SORL1: variants seen among roughly 807,000 people sequenced by gnomAD.
SORL1 encodes sortilin-related receptor.
SORL1 carries 127 observed loss-of-function variants against 273.7 expected under a neutral mutation model. The observed-to-expected ratio is 0.46, with a 90% CI of 0.40 to 0.54. SORL1 has a LOEUF of 0.54. Ranked by LOEUF, SORL1 falls within the 20% of genes least tolerant of loss-of-function variation. The pLI is 0.00. For missense variants in SORL1, 2,494 were observed against 2,846.1 expected (o/e 0.88, Z 2.81); for synonymous variants, 1,031 against 1,067.4 (o/e 0.97, Z 0.66).
chr11:121,609,614 G>A (rs1863530498), intron 38 of SORL1: 1 of 152,206 alleles, frequency 6.6e-6, no homozygotes, highest in Non-Finnish European at 1.5e-5. Flanking sequence ...TGTACAGAAG[G>A]CAGCTGTGTG....
intron 2 of SORL1, among the ~76,000 whole-genome samples, chr11:121,471,639 T>C (rs1210310881): frequency 3.3e-5 from 5 of 152,356 alleles, no homozygotes; most frequent in Admixed American, 2.6e-4. Context: ...TTTATAATTC[T>C]TGAATGCGGA....
At chr11:121,478,082 C>T (rs1369242173) in intron 2 of SORL1, 36 bp from the exon 3 acceptor site, 5 of 1,471,910 alleles carry the variant, frequency 3.4e-6, no homozygotes, top group African/African-American at 1.4e-5. Flanking sequence ...TTCTCACCAA[C>T]TCTTTCTTTT....
chr11:121,583,351 G>A, intron 25 of SORL1, 107 bp from the exon 26 acceptor site: 1 of 1,341,542 alleles, frequency 7.5e-7, no homozygotes, highest in Non-Finnish European at 1.0e-6. Context: ...CCACAGTTCA[G>A]ACCTTATTCC....
rs190119741 is a variant in SORL1, at chr11:121,593,721, C to T, written c.4370-1902C>T. ...GATGACAGCTCTCAGGTGTTTGTCTCTTGAATTTTGCTGCTCTGGTTTGTA... is the reference window on the plus strand; with the variant it reads ...GATGACAGCTCTCAGGTGTTTGTCTTTTGAATTTTGCTGCTCTGGTTTGTA... On this transcript the variant is annotated intron_variant, in intron 31 of 47. Transcript: ENST00000260197. 1.5e-3 allele frequency among the ~76,000 whole-genome samples: 226 copies of T among 152,242 alleles called. 3 individuals carry two copies. Among genetic ancestry groups the T allele is most frequent in the African/African-American group, 5.3e-3 (218 of 41,490 alleles).
At position 121,452,720 on chromosome 11, in the gene SORL1, TGGGGACTTCCCGGCTTGCATTTG is replaced by T. The variant is rs1317402907; in HGVS notation, c.285+105_285+127del. The T allele has an allele frequency of 6.8e-6, 7 of 1,026,328 alleles. No individual in the cohort carries two copies. Among genetic ancestry groups the T allele is most frequent in the Middle Eastern group, 2.4e-4 (1 of 4,108 alleles). 63.6% of individuals were successfully genotyped at this position (1,026,328 alleles called of 1,614,324 possible). ...GTCGCCTCCTAGGTGCAGGCACCAC[TGGGGACTTCCCGGCTTGCATTTG>T]TTTTTTTCCTTCACGAGTACAACCG... is the stretch of plus-strand genomic sequence containing the variant. On this transcript the variant is annotated intron_variant, in intron 1 of 47. Coordinates refer to ENST00000260197, the MANE Select transcript of SORL1 (RefSeq NM_003105.6). The surrounding 1 kb of genome is among the most constrained non-coding windows in gnomAD (Gnocchi z 5.3).
chr11:121,581,559 T>C (rs1863015756), intron 25 of SORL1, among the ~76,000 whole-genome samples: 1 of 152,066 alleles, frequency 6.6e-6, no homozygotes, highest in Non-Finnish European at 1.5e-5. Context: ...AAAAAAAATA[T>C]GTATTAAGCA....
At chr11:121,620,624 A>G (rs973336848) in intron 43 of SORL1, among the ~76,000 whole-genome samples, 15 of 152,090 alleles carry the variant, frequency 9.9e-5, no homozygotes, top group African/African-American at 3.4e-4. Flanking sequence ...TTGCCCCCCT[A>G]TACCCAGAAG....
At chr11:121,574,489 A>G in intron 24 of SORL1, 126 bp downstream of exon 24, 1 of 835,818 alleles carries the variant, frequency 1.2e-6, no homozygotes, top group Non-Finnish European at 1.9e-6. Flanking sequence ...TTCTAGCTGA[A>G]TGGCTTTCTC....
At chr11:121,562,814 AC>A (rs1273211183) in intron 21 of SORL1, among the ~76,000 whole-genome samples, 2 of 152,182 alleles carry the variant, frequency 1.3e-5, no homozygotes, top group Non-Finnish European at 2.9e-5. Flanking sequence ...GTAAGAACGA[AC>A]CTTCTATCTC....
rs190764607 is a variant in SORL1, at chr11:121,546,298, G to A, written c.2051+869G>A. 1.9e-3 allele frequency among the ~76,000 whole-genome samples: 293 copies of A among 150,734 alleles called. 1 individual carries two copies. The highest frequency in any genetic ancestry group is 2.7e-3 in the Non-Finnish European group (179 of 67,102). On this transcript the variant is annotated intron_variant, in intron 14 of 47. Coordinates refer to ENST00000260197, the MANE Select transcript of SORL1 (RefSeq NM_003105.6). ...GAGGAGGCCTTCAGCGGCTTTTGAG[G>A]AGAGTTGATGATGAGAACAGAGCTT...
intron 41 of SORL1, among the ~76,000 whole-genome samples, chr11:121,615,954 A>G (rs1425905575): frequency 1.3e-5 from 2 of 152,210 alleles, no homozygotes; most frequent in Non-Finnish European, 2.9e-5. Context: ...AAGCTCTCAC[A>G]AGCAGTAGAC....
At chr11:121,503,741 G>A (rs1236232422) in intron 6 of SORL1, among the ~76,000 whole-genome samples, 1 of 152,158 alleles carries the variant, frequency 6.6e-6, no homozygotes, top group African/African-American at 2.4e-5. Flanking sequence ...CCATTAATCT[G>A]TATATCTACC....
intron 16 of SORL1, 148 bp from the exon 17 acceptor site, chr11:121,553,789 G>A: frequency 1.4e-6 from 1 of 718,754 alleles, no homozygotes; most frequent in Middle Eastern, 2.6e-4. Context: ...CACACCTCCT[G>A]AGTCTTGATT....
chr11:121,530,107 A>C (rs1226798262), intron 11 of SORL1, among the ~76,000 whole-genome samples: 1 of 152,154 alleles, frequency 6.6e-6, no homozygotes, highest in Admixed American at 6.5e-5. Context: ...TCCCCCACCT[A>C]TATGTTATTT....
At chr11:121,568,171 G>A (rs1293731730) in intron 22 of SORL1, among the ~76,000 whole-genome samples, 2 of 152,194 alleles carry the variant, frequency 1.3e-5, no homozygotes, top group Non-Finnish European at 2.9e-5. Flanking sequence ...ACAGGCATGA[G>A]CCACTGTGCC....
At chr11:121,548,397 T>C (rs1862463998) in intron 14 of SORL1, among the ~76,000 whole-genome samples, 1 of 152,206 alleles carries the variant, frequency 6.6e-6, no homozygotes, top group Non-Finnish European at 1.5e-5. Flanking sequence ...AATAACGAAC[T>C]GAGGTAATGA....
intron 17 of SORL1, 153 bp from the exon 18 acceptor site, chr11:121,555,034 C>A: frequency 1.3e-6 from 1 of 745,324 alleles, no homozygotes; most frequent in African/African-American, 1.8e-5. Context: ...TCATGAAAAC[C>A]TGGCTTCATG....
intron 5 of SORL1, among the ~76,000 whole-genome samples, chr11:121,492,500 C>G (rs1861568940): frequency 6.6e-6 from 1 of 152,206 alleles, no homozygotes; most frequent in Non-Finnish European, 1.5e-5. Flanking sequence ...TTACCACATT[C>G]TAATATACTA....
chr11:121,522,636 C>T lies in SORL1; in HGVS notation c.1455C>T (p.Leu485=). The change falls in exon 10 of 48, where the codon CTC becomes CTT. Residue 485 remains leucine, a synonymous_variant. Transcript: ENST00000260197. ...TGGCTCAGCGCCTCAGTCAGCTCCT[C>T]AACCTCCAGCTCCGGAGAATGCCCA... is the stretch of plus-strand genomic sequence containing the variant. ...LHLAQRLSQL[L]NLQLRRMPIL... The T allele has an allele frequency of 1.2e-6, 2 of 1,614,228 alleles. No homozygotes were observed. Among genetic ancestry groups the T allele is most frequent in the Non-Finnish European group, 1.7e-6 (2 of 1,180,038 alleles).
Sources: gnomAD v4.1 joint callset for allele counts (sites outside exome capture counted in the v4.1 genomes callset) on GRCh38, gnomAD v4.1.1 for gene constraint, Gnocchi (gnomAD v3.1) non-coding constraint, MANE v1.5 for transcripts, NCBI Gene and HGNC (gene_info 2026-07-23, HGNC 2026-07-21) for gene names.